EIF3L: variants seen among roughly 807,000 people sequenced by gnomAD.
EIF3L encodes eukaryotic translation initiation factor 3 subunit L, also known as eIEF associated protein HSPC021.
EIF3L carries 32 observed loss-of-function variants against 74.6 expected under a neutral mutation model. The ratio of observed to expected loss-of-function variants is 0.43; its 90% CI spans 0.32 to 0.58. EIF3L has a LOEUF of 0.58. Ranked by LOEUF, EIF3L falls within the 20% of genes least tolerant of loss-of-function variation. The pLI is 0.06. For synonymous variants in EIF3L, 256 were observed against 254.4 expected, an observed-to-expected ratio of 1.01 and a Z score of -0.06; for missense variants, 474 against 707.8, an observed-to-expected ratio of 0.67 and a Z score of 3.75.
chr22:37,881,076 A>G (rs1160319486), intron 11 of EIF3L: 1 of 152,244 alleles, frequency 6.6e-6, no homozygotes, highest in Non-Finnish European at 1.5e-5. Flanking sequence ...TAATACATTT[A>G]TATATGCCTA....
At chr22:37,861,129 G>T (rs1459797278) in intron 5 of EIF3L, among the ~76,000 whole-genome samples, 1 of 152,104 alleles carries the variant, frequency 6.6e-6, no homozygotes, top group East Asian at 1.9e-4. Context: ...TGGTCATAAT[G>T]GTGTTAATTG....
At chr22:37,871,423 A>T (rs967486811) in intron 8 of EIF3L, 1 of 152,248 alleles carries the variant, frequency 6.6e-6, no homozygotes. Context: ...AAAATTCTAC[A>T]CCCAACCTCA....
chr22:37,858,249 TGGG>T (rs1925649073), intron 4 of EIF3L, among the ~76,000 whole-genome samples: 1 of 96,204 alleles, frequency 1.0e-5, no homozygotes, highest in Non-Finnish European at 2.0e-5. Context: ...TTTTTTGACA[TGGG>T]GGTCTCACTG....
At chr22:37,868,659 T>TTTTTTTTTTG (rs1926307359) in intron 7 of EIF3L, among the ~76,000 whole-genome samples, 2 of 114,396 alleles carry the variant, frequency 1.7e-5, no homozygotes, top group Non-Finnish European at 3.3e-5. Context: ...TTTTTTTTTT[T>TTTTTTTTTTG]GAGACGGAGT....
intron 3 of EIF3L, 68 bp downstream of exon 3, chr22:37,851,558 T>C (rs1601750621): frequency 1.1e-6 from 1 of 938,206 alleles, no homozygotes; most frequent in Non-Finnish European, 1.5e-6. Flanking sequence ...TTCCTACAAA[T>C]GAGGTGAGCA....
chr22:37,868,870 G>A (rs899732141), intron 7 of EIF3L, among the ~76,000 whole-genome samples: 10 of 151,478 alleles, frequency 6.6e-5, no homozygotes, highest in African/African-American at 1.9e-4. Flanking sequence ...TCAAACTCCC[G>A]ACCTCAGGTA....
intron 3 of EIF3L, among the ~76,000 whole-genome samples, chr22:37,852,373 C>G (rs370958648): frequency 1.8e-4 from 27 of 152,258 alleles, no homozygotes; most frequent in African/African-American, 6.5e-4. Context: ...GTGTCTGGCA[C>G]CAAAGCCTAA....
At chr22:37,849,981 G>C (rs188700841) in intron 1 of EIF3L, 34 bp from the exon 2 acceptor site, 1 of 1,613,088 alleles carries the variant, frequency 6.2e-7, no homozygotes, top group South Asian at 1.1e-5. Context: ...TCACGACTTG[G>C]CGGCTGTCCT....
chr22:37,864,812 T>G (rs1418802891), intron 7 of EIF3L, among the ~76,000 whole-genome samples: 2 of 152,202 alleles, frequency 1.3e-5, no homozygotes, highest in South Asian at 4.1e-4. Context: ...GTGCTGGGAT[T>G]ACAGGTGTGA....
chr22:37,863,327 C>T lies in EIF3L; in HGVS notation c.561C>T (p.Ile187=), dbSNP rs151317788. 1.1e-4 allele frequency: 182 copies of T among 1,613,542 alleles called. No individual in the cohort carries two copies. The highest frequency in any genetic ancestry group is 1.4e-4 in the Non-Finnish European group (166 of 1,179,768). The change falls in exon 7 of 13, where the codon ATC becomes ATT. Residue 187 remains isoleucine (I), a synonymous_variant. Transcript: ENST00000652021. The part of the protein sequence containing the change: ...ELPNQWLWDI[I]DEFIYQFQSF... Reference sequence around the variant, plus strand: ...CCAACCAGTGGCTCTGGGATATTATCGATGAGTTCATCTACCAGGTATCTG... The same window carrying T: ...CCAACCAGTGGCTCTGGGATATTATTGATGAGTTCATCTACCAGGTATCTG...
chr22:37,877,836 A>G lies in EIF3L; in HGVS notation c.1240A>G (p.Ser414Gly). ...CCCACAAGTCTATGAAGAACTTTTC[A>G]GTTACTCCTGCCCCAAGTTCCTGTC... is the stretch of plus-strand genomic sequence containing the variant. ...GDPQVYEELF[S>G]YSCPKFLSPV... Residue 414 changes from serine (S) to glycine (G), a missense_variant, in exon 11 of 13, where the codon AGT (serine) becomes GGT (glycine). Ser to Gly is a moderately conservative substitution (Grantham distance 56). Around this residue, in one of 4 missense-constraint regions of EIF3L, gnomAD observed 293 missense variants for 469.1 expected, o/e 0.62. Coordinates refer to ENST00000652021, the MANE Select transcript of EIF3L (RefSeq NM_016091.4). 1 of 1,613,868 alleles carries G rather than the reference A, an allele frequency of 6.2e-7. No homozygotes were observed. The highest frequency in any genetic ancestry group is 8.5e-7 in the Non-Finnish European group (1 of 1,179,872).
intron 8 of EIF3L, among the ~76,000 whole-genome samples, chr22:37,872,945 T>A (rs555380912): frequency 7.7e-4 from 118 of 152,316 alleles, no homozygotes; most frequent in African/African-American, 2.8e-3. Context: ...TATGACAGGT[T>A]TACTTCATTT....
At chr22:37,849,767 G>A (rs1925066002) in intron 1 of EIF3L, 2 of 605,964 alleles carry the variant, frequency 3.3e-6, no homozygotes, top group Admixed American at 6.1e-5. Context: ...TCTAGGCTCC[G>A]TCTGGTCAAA....
intron 7 of EIF3L, among the ~76,000 whole-genome samples, chr22:37,865,579 T>A (rs2145817598): frequency 6.6e-6 from 1 of 152,328 alleles, no homozygotes; most frequent in East Asian, 1.9e-4. Flanking sequence ...TTAATAAAGA[T>A]GTTATTAGAA....
chr22:37,853,473 G>A (rs1449867511), intron 3 of EIF3L, among the ~76,000 whole-genome samples: 2 of 152,114 alleles, frequency 1.3e-5, no homozygotes, highest in African/African-American at 2.4e-5. Context: ...ATAAATCAGC[G>A]CCTACAAAAA....
intron 11 of EIF3L, chr22:37,882,375 A>G (rs902926474): frequency 6.6e-6 from 1 of 152,098 alleles, no homozygotes; most frequent in Non-Finnish European, 1.5e-5. Context: ...AGCAGTTCTT[A>G]AAAATACATA....
At chr22:37,872,238 C>T (rs1459313875) in intron 8 of EIF3L, among the ~76,000 whole-genome samples, 2 of 152,036 alleles carry the variant, frequency 1.3e-5, no homozygotes, top group Non-Finnish European at 2.9e-5. Context: ...CTGTCTCAGC[C>T]TCCAGGGATA....
At chr22:37,885,120 T>C (rs1927252891) in intron 11 of EIF3L, 1 of 151,984 alleles carries the variant, frequency 6.6e-6, no homozygotes, top group Non-Finnish European at 1.5e-5. Context: ...GGTTTTACCA[T>C]GTTGCCCAGC....
intron 10 of EIF3L, 22 bp downstream of exon 10, chr22:37,876,033 A>C: frequency 6.2e-7 from 1 of 1,603,654 alleles, no homozygotes; most frequent in East Asian, 2.2e-5. Context: ...TCTGCCTGCC[A>C]CCAGTGGCCT....
Sources: allele counts gnomAD v4.1 joint callset (sites outside exome capture counted in the v4.1 genomes callset), GRCh38; gene constraint gnomAD v4.1.1; regional missense constraint gnomAD v4.1.1; transcripts MANE v1.5; gene names NCBI Gene and HGNC (gene_info 2026-07-23, HGNC 2026-07-21).